The following VEGFC variants were observed in gnomAD, a reference collection of about 807,000 sequenced individuals.
VEGFC encodes FLT4 ligand DHM.
A neutral mutation model predicts 46.1 loss-of-function variants in VEGFC; 12 were observed. The observed-to-expected ratio is 0.26, with a 90% CI of 0.17 to 0.42. VEGFC has a LOEUF of 0.42. VEGFC is among the 10% of genes least tolerant of loss of function. The pLI, the probability that VEGFC is intolerant of heterozygous loss-of-function variation, is 1.00. For missense variants in VEGFC, 488 were observed against 529.4 expected (o/e 0.92, Z 0.77); for synonymous variants, 232 against 195.5 (o/e 1.19, Z -1.56).
chr4:176,776,379 G>A (rs1292083771), intron 1 of VEGFC, among the ~76,000 whole-genome samples: 1 of 152,184 alleles, frequency 6.6e-6, no homozygotes, highest in Non-Finnish European at 1.5e-5. Context: ...TGGGAAGTGA[G>A]TTGAATTTTT....
chr4:176,741,922 T>G (rs73872168), intron 1 of VEGFC, among the ~76,000 whole-genome samples: 8 of 151,970 alleles, frequency 5.3e-5, no homozygotes, highest in Admixed American at 3.3e-4. Flanking sequence ...AATAGCGATA[T>G]GCAGATCAGA....
At chr4:176,727,384 T>G (rs1021269515) in intron 3 of VEGFC, among the ~76,000 whole-genome samples, 3 of 152,230 alleles carry the variant, frequency 2.0e-5, no homozygotes, top group Non-Finnish European at 2.9e-5. Context: ...CTTTGAATAC[T>G]GTTTGCACTG....
intron 4 of VEGFC, among the ~76,000 whole-genome samples, chr4:176,703,431 A>C (rs959731825): frequency 1.3e-5 from 2 of 152,024 alleles, no homozygotes; most frequent in African/African-American, 4.8e-5. Flanking sequence ...AGTGAATCTC[A>C]CGGAAGTAGA....
chr4:176,778,735 C>T (rs1030934296), intron 1 of VEGFC, among the ~76,000 whole-genome samples: 9 of 152,090 alleles, frequency 5.9e-5, no homozygotes, highest in African/African-American at 1.9e-4. Flanking sequence ...CATGGCCCGG[C>T]GTCAACCCCT....
At position 176,690,516 on chromosome 4, in the gene VEGFC, G is replaced by A. The variant is rs377491410; in HGVS notation, c.705-2589C>T. ...TTCCTAATAATTTTAGGAATTCCAAGGGCAAGTCTCTACTCATTGCGCATT... is the reference window on the plus strand; with the variant it reads ...TTCCTAATAATTTTAGGAATTCCAAAGGCAAGTCTCTACTCATTGCGCATT... On this transcript the variant is annotated intron_variant, in intron 4 of 6. Coordinates refer to ENST00000618562, the MANE Select transcript of VEGFC (RefSeq NM_005429.5). Among the ~76,000 whole-genome samples the A allele has an allele frequency of 9.2e-5, 14 of 151,908 alleles. No individual in the cohort carries two copies. In the East Asian group the frequency reaches 1.5e-3, roughly 17 times the overall value.
intron 1 of VEGFC, among the ~76,000 whole-genome samples, chr4:176,740,406 T>TA (rs1735148421): frequency 3.8e-5 from 4 of 104,584 alleles, no homozygotes; most frequent in African/African-American, 1.5e-4. Context: ...TTATATATAG[T>TA]TATATATATT....
chr4:176,767,959 C>A (rs1170696295), intron 1 of VEGFC, among the ~76,000 whole-genome samples: 7 of 151,992 alleles, frequency 4.6e-5, no homozygotes, highest in Non-Finnish European at 8.8e-5. Flanking sequence ...GAAGACACAG[C>A]CAAGAGGATT....
At position 176,732,610 on chromosome 4, in the gene VEGFC, C is replaced by T. The variant is rs919944930; in HGVS notation, c.148-2864G>A. ...ACCCAATTTCTCCTTCAGTGGAATC[C>T]GTGAAAGTGGATGGAAAGGCCTGAA... On this transcript the variant is annotated intron_variant, in intron 1 of 6. Coordinates refer to ENST00000618562, the MANE Select transcript of VEGFC (RefSeq NM_005429.5). Among the ~76,000 whole-genome samples, 4 of 151,282 alleles carry T rather than the reference C, an allele frequency of 2.6e-5. No homozygotes were observed. In the East Asian group the frequency reaches 7.8e-4, roughly 30 times the overall value.
rs1736132675 is a variant in VEGFC, at chr4:176,792,885, C to T, written c.-574G>A. On this transcript the variant is annotated 5_prime_UTR_variant, in exon 1 of 7. Coordinates refer to ENST00000618562, the MANE Select transcript of VEGFC (RefSeq NM_005429.5). The surrounding 1 kb of genome is among the most constrained non-coding windows in gnomAD (Gnocchi z 6.3). Reference sequence around the variant, plus strand: ...ATCCTCCAGAGCGCGCCGGGCTGAGCGGCGGCGGCGGCGGCGGCGGGCGCA... The same window carrying T: ...ATCCTCCAGAGCGCGCCGGGCTGAGTGGCGGCGGCGGCGGCGGCGGGCGCA... 6.8e-6 allele frequency among the ~76,000 whole-genome samples: 1 copy of T among 146,628 alleles called. No individual in the cohort carries two copies. The highest frequency in any genetic ancestry group is 2.5e-5 in the African/African-American group (1 of 40,456).
intron 4 of VEGFC, among the ~76,000 whole-genome samples, chr4:176,694,129 A>G (rs1484896127): frequency 6.7e-4 from 99 of 147,722 alleles, no homozygotes; most frequent in African/African-American, 1.1e-3. Flanking sequence ...ACACATAACA[A>G]TATTAACTTT....
At chr4:176,765,533 T>C (rs1201968181) in intron 1 of VEGFC, among the ~76,000 whole-genome samples, 2 of 150,838 alleles carry the variant, frequency 1.3e-5, no homozygotes, top group Admixed American at 6.6e-5. Context: ...ATAGAACTAC[T>C]GAAATCCAAA....
intron 1 of VEGFC, among the ~76,000 whole-genome samples, chr4:176,774,775 A>C (rs938502638): frequency 6.6e-6 from 1 of 151,320 alleles, no homozygotes; most frequent in Middle Eastern, 3.4e-3. Flanking sequence ...TAACCTGCAC[A>C]TTGTGCACAT....
chr4:176,788,522 G>T (rs1736039671), intron 1 of VEGFC, among the ~76,000 whole-genome samples: 3 of 152,168 alleles, frequency 2.0e-5, no homozygotes, highest in Admixed American at 2.0e-4. Flanking sequence ...CTCGATTTAC[G>T]ATGGGGCTAC....
chr4:176,738,810 A>G (rs558306469), intron 1 of VEGFC, among the ~76,000 whole-genome samples: 5 of 152,180 alleles, frequency 3.3e-5, no homozygotes, highest in South Asian at 4.1e-4. Flanking sequence ...CCATCTGACA[A>G]AAGTCTAATA....
chr4:176,735,663 CAGGCT>C (rs753373866), intron 1 of VEGFC, among the ~76,000 whole-genome samples: 1 of 151,828 alleles, frequency 6.6e-6, no homozygotes, highest in Non-Finnish European at 1.5e-5. Flanking sequence ...GTTACATATG[CAGGCT>C]TCTGAACAGG....
rs900296912 is a variant in VEGFC, at chr4:176,704,369, G to A, written c.704+7130C>T. The stretch of plus-strand genomic sequence containing the variant: ...CTCTGATGTCTTACAAATATTACAA[G>A]CACTCAAGCTAACATGTGTTAAAAA... On this transcript the variant is annotated intron_variant, in intron 4 of 6. Transcript: ENST00000618562. Among the ~76,000 whole-genome samples the A allele has an allele frequency of 1.6e-4, 24 of 152,118 alleles. 1 individual carries two copies. Among genetic ancestry groups the A allele is most frequent in the African/African-American group, 5.3e-4 (22 of 41,490 alleles).
At chr4:176,698,102 T>C (rs970761988) in intron 4 of VEGFC, among the ~76,000 whole-genome samples, 44 of 151,550 alleles carry the variant, frequency 2.9e-4, no homozygotes, top group African/African-American at 1.0e-3. Flanking sequence ...ACCTGCACAA[T>C]GTGCACATGT....
chr4:176,729,423 G>A (rs781008260), intron 2 of VEGFC, 110 bp downstream of exon 2: 36 of 815,408 alleles, frequency 4.4e-5, no homozygotes, highest in Non-Finnish European at 5.4e-5. Flanking sequence ...TTTGCTTTCC[G>A]CCCTAAAGGT....
rs189602030 is a variant in VEGFC at position 176,765,096 on chromosome 4, A to G, written c.147+27069T>C. On this transcript the variant is annotated intron_variant, in intron 1 of 6. Coordinates refer to ENST00000618562, the MANE Select transcript of VEGFC (RefSeq NM_005429.5). Reference sequence around the variant, plus strand: ...CTACAACTAGTATGTTTGAGAAAACAGAAAGGAAGATGAAGAATTTGAGCA... The same window carrying G: ...CTACAACTAGTATGTTTGAGAAAACGGAAAGGAAGATGAAGAATTTGAGCA... 1.4e-3 allele frequency among the ~76,000 whole-genome samples: 212 copies of G among 152,312 alleles called. 1 individual carries two copies. The highest frequency in any genetic ancestry group is 3.4e-3 in the Middle Eastern group (1 of 294).
Sources: allele counts gnomAD v4.1 joint callset (sites outside exome capture counted in the v4.1 genomes callset), GRCh38; gene constraint gnomAD v4.1.1; non-coding constraint Gnocchi (gnomAD v3.1); transcripts MANE v1.5; gene names NCBI Gene and HGNC (gene_info 2026-07-23, HGNC 2026-07-21).